Variants in GYS2 observed in about 807,000 individuals in gnomAD.
GYS2 encodes the protein glycogen synthase 2, also known as glycogen [starch] synthase, liver.
A neutral mutation model predicts 85.6 loss-of-function variants in GYS2; 80 were observed. That is an observed-to-expected ratio of 0.93 (90% confidence interval 0.78 to 1.13). GYS2 has a LOEUF of 1.13. Among genes scored for constraint, GYS2 ranks in the 50% most tolerant of loss-of-function variants. The pLI, the probability that GYS2 is intolerant of heterozygous loss-of-function variation, is 0.00. For missense variants in GYS2, 881 were observed against 854.9 expected, an observed-to-expected ratio of 1.03 and a Z score of -0.38; for synonymous variants, 328 against 300.7, an observed-to-expected ratio of 1.09 and a Z score of -0.94.
At chr12:21,538,617 T>C (rs775273772) in intron 15 of GYS2, among the ~76,000 whole-genome samples, 1 of 152,142 alleles carries the variant, frequency 6.6e-6, no homozygotes, top group South Asian at 2.1e-4. Flanking sequence ...TCACCTAGTG[T>C]GTAGGCGGCC....
intron 1 of GYS2, among the ~76,000 whole-genome samples, chr12:21,591,803 A>G (rs1198073861): frequency 6.6e-6 from 1 of 152,194 alleles, no homozygotes; most frequent in East Asian, 1.9e-4. Context: ...ATTTCTCAGC[A>G]GAAACCTCAC....
chr12:21,560,885 T>C (rs1476320451), intron 7 of GYS2, among the ~76,000 whole-genome samples: 1 of 152,132 alleles, frequency 6.6e-6, no homozygotes, highest in Non-Finnish European at 1.5e-5. Context: ...AGACCAAAAT[T>C]AGTTCTTTAA....
intron 4 of GYS2, among the ~76,000 whole-genome samples, chr12:21,573,714 A>T (rs1944411711): frequency 6.6e-6 from 1 of 152,206 alleles, no homozygotes; most frequent in African/African-American, 2.4e-5. Flanking sequence ...TACTTGGAGG[A>T]TAGAAGAAAT....
At chr12:21,577,826 C>CTTTATTTA (rs1944463671) in intron 2 of GYS2, among the ~76,000 whole-genome samples, 1 of 152,092 alleles carries the variant, frequency 6.6e-6, no homozygotes, top group Admixed American at 6.6e-5. Flanking sequence ...GCTTTTAAAG[C>CTTTATTTA]CTTATTCTTT....
chr12:21,581,499 G>T (rs1015621760), intron 1 of GYS2, among the ~76,000 whole-genome samples: 4 of 152,172 alleles, frequency 2.6e-5, no homozygotes, highest in African/African-American at 9.6e-5. Context: ...TGAGAGCTTG[G>T]TTGTTGGAGA....
At chr12:21,578,890 T>C (rs1944476280) in intron 2 of GYS2, among the ~76,000 whole-genome samples, 1 of 152,196 alleles carries the variant, frequency 6.6e-6, no homozygotes, top group South Asian at 2.1e-4. Context: ...GTCTTACCCA[T>C]ATTTAATAAC....
chr12:21,547,103 C>A (rs910178167), intron 11 of GYS2, among the ~76,000 whole-genome samples: 26 of 152,218 alleles, frequency 1.7e-4, no homozygotes, highest in African/African-American at 6.3e-4. Flanking sequence ...AAATGTCAGT[C>A]ATTCCCTTGC....
At chr12:21,559,200 A>C (rs982820805) in intron 9 of GYS2, 31 bp from the exon 10 acceptor site, 2 of 1,262,954 alleles carry the variant, frequency 1.6e-6, no homozygotes, top group African/African-American at 1.5e-5. Context: ...TAACAAAAAT[A>C]AAAACAGCTG....
In GYS2 at chr12:21,542,451, A is replaced by G. The variant is rs775810677; in HGVS notation, c.1645+45T>C. The G allele has an allele frequency of 3.5e-6, 4 of 1,149,638 alleles. No homozygotes were observed. The African/African-American group carries it at 6.0e-5, about 17-fold the overall frequency. 71.2% of individuals were successfully genotyped at this position (1,149,638 alleles called of 1,614,324 possible). On this transcript the variant is annotated intron_variant, in intron 13 of 15. Transcript: ENST00000261195. ...TAAAGACCCTGTGCTTTGTTTGGTT[A>G]GAGGTCATGTCTCCCCAGCATGGGT...
chr12:21,571,569 A>G (rs964518922), intron 4 of GYS2, among the ~76,000 whole-genome samples: 1 of 152,156 alleles, frequency 6.6e-6, no homozygotes, highest in African/African-American at 2.4e-5. Context: ...CAGAAGAAAG[A>G]GTTTAAATCC....
In GYS2 at chr12:21,539,079, C is replaced by A. The variant is rs67723454; in HGVS notation, c.1890+179G>T. ...ATGCTTCTCCAATGAGATGAATTAA[C>A]TGTCTTGAGAGCTTTAGGACAGTCT... is the stretch of plus-strand genomic sequence containing the variant. On this transcript the variant is annotated intron_variant, in intron 15 of 15. Transcript: ENST00000261195. Among the ~76,000 whole-genome samples, 21,566 of 152,214 alleles carry A rather than the reference C, an allele frequency of 0.14. 1,768 individuals are homozygous for A. Among genetic ancestry groups the A allele is most frequent in the African/African-American group, 0.19 (7,755 of 41,518 alleles).
chr12:21,580,158 C>G (rs912902880), intron 2 of GYS2, among the ~76,000 whole-genome samples, 184 bp downstream of exon 2: 6 of 152,206 alleles, frequency 3.9e-5, no homozygotes, highest in African/African-American at 1.2e-4. Flanking sequence ...ATTATCCTTC[C>G]TCCTCGGTTT....
intron 1 of GYS2, among the ~76,000 whole-genome samples, chr12:21,602,871 C>A (rs1944769588): frequency 6.6e-6 from 1 of 152,026 alleles, no homozygotes. Context: ...AAGAGGAAAG[C>A]AGAAGGGGCT....
In GYS2 at chr12:21,580,328, G is replaced by A. The variant is rs1445904878; in HGVS notation, c.303+14C>T. 3.7e-6 allele frequency: 6 copies of A among 1,606,020 alleles called. No individual in the cohort carries two copies. The African/African-American group carries it at 8.0e-5, about 21-fold the overall frequency. On this transcript the variant is annotated intron_variant, in intron 2 of 15. Transcript: ENST00000261195. ...TTTACTGAGAATTGCCAAGTGAAGT[G>A]TCAGTTCCTTTACCTGGCAGCCATG...
chr12:21,597,692 T>C (rs575422062), intron 1 of GYS2, among the ~76,000 whole-genome samples: 18 of 152,250 alleles, frequency 1.2e-4, no homozygotes, highest in Middle Eastern at 3.4e-3. Context: ...GCAATCTTAT[T>C]ACTGGGTATT....
intron 11 of GYS2, among the ~76,000 whole-genome samples, chr12:21,556,185 T>G (rs796748949): frequency 2.4e-4 from 36 of 152,316 alleles, no homozygotes; most frequent in African/African-American, 8.7e-4. Context: ...TTTTTGTTTT[T>G]GTGTTTTTTG....
Position 21,604,780 on chromosome 12 carries a change from ATTC to A in GYS2, c.-191_-189del. ...CACAGAATTCCTGGTGGAAGGAGGA[ATTC>A]TTCCTCCTCTTTCTCGTCTTTCTGG... On this transcript the variant is annotated 5_prime_UTR_variant, in exon 1 of 16. Transcript: ENST00000261195. The A allele has an allele frequency of 1.4e-6, 2 of 1,392,152 alleles. No homozygotes were observed. The highest frequency in any genetic ancestry group is 9.4e-7 in the Non-Finnish European group (1 of 1,067,896). 86.2% of individuals were successfully genotyped at this position (1,392,152 alleles called of 1,614,324 possible). A position where few individuals can be genotyped will look rare whatever the true frequency, so the allele number is the denominator to read the frequency against.
chr12:21,541,284 A>AAAC (rs1555153475), intron 13 of GYS2, among the ~76,000 whole-genome samples: 2 of 145,356 alleles, frequency 1.4e-5, no homozygotes, highest in East Asian at 4.0e-4. Flanking sequence ...AAAAAAAAAA[A>AAAC]AAAAAAACAA....
Position 21,544,422 on chromosome 12 carries a change from T to C in GYS2, c.1550-1831A>G, listed in dbSNP as rs938046393. Reference sequence around the variant, plus strand: ...AACTTTGCCCTATAAAATGACACTTTGGTGGACAGTCAGCTGTTAGTTCTA... The same window carrying C: ...AACTTTGCCCTATAAAATGACACTTCGGTGGACAGTCAGCTGTTAGTTCTA... On this transcript the variant is annotated intron_variant, in intron 12 of 15. Transcript: ENST00000261195. Among the ~76,000 whole-genome samples the C allele has an allele frequency of 3.9e-5, 6 of 152,238 alleles. No homozygotes were observed. In the East Asian group the frequency reaches 7.7e-4, roughly 20 times the overall value.
Sources: allele counts gnomAD v4.1 joint callset (sites outside exome capture counted in the v4.1 genomes callset), GRCh38; gene constraint gnomAD v4.1.1; transcripts MANE v1.5; gene names NCBI Gene and HGNC (gene_info 2026-07-23, HGNC 2026-07-21).